CERS6: variants seen among roughly 807,000 people sequenced by gnomAD.
The protein encoded by CERS6 is ceramide synthase 6, also known as LAG1 homolog, ceramide synthase 6.
CERS6 carries 26 observed loss-of-function variants against 56.8 expected under a neutral mutation model. That is an observed-to-expected ratio of 0.46 (90% CI 0.34 to 0.63). The LOEUF (loss-of-function observed/expected upper bound fraction) is 0.63. Among genes scored for constraint, CERS6 ranks in the 30% least tolerant of loss-of-function variants. The pLI, the probability that CERS6 is intolerant of heterozygous loss-of-function variation, is 0.01. For missense variants in CERS6, 415 were observed against 467.5 expected (o/e 0.89, Z 1.04); for synonymous variants, 164 against 173.3 (o/e 0.95, Z 0.42).
intron 4 of CERS6, among the ~76,000 whole-genome samples, chr2:168,635,859 G>T (rs928842933): frequency 6.6e-6 from 1 of 152,146 alleles, no homozygotes; most frequent in East Asian, 1.9e-4. Context: ...ACAAAGCCAC[G>T]AAGTGTTCCC....
chr2:168,704,738 C>T (rs898938324), intron 6 of CERS6, among the ~76,000 whole-genome samples: 1 of 152,198 alleles, frequency 6.6e-6, no homozygotes, highest in African/African-American at 2.4e-5. Flanking sequence ...TCCCAAGTAG[C>T]TGGGACTACA....
chr2:168,556,216 A>G (rs1370507676), intron 2 of CERS6, among the ~76,000 whole-genome samples: 1 of 152,122 alleles, frequency 6.6e-6, no homozygotes, highest in Non-Finnish European at 1.5e-5. Flanking sequence ...AATAAAAAAC[A>G]AAAGCAAGAC....
chr2:168,728,685 C>G (rs1164821462), intron 8 of CERS6, among the ~76,000 whole-genome samples: 1 of 151,718 alleles, frequency 6.6e-6, no homozygotes. Flanking sequence ...AGGCTTTTTC[C>G]TTTTGTGACT....
intron 3 of CERS6, among the ~76,000 whole-genome samples, chr2:168,596,817 C>T (rs1683811543): frequency 6.6e-6 from 1 of 152,094 alleles, no homozygotes; most frequent in East Asian, 1.9e-4. Context: ...CAGGTGTGAA[C>T]CACCATGCCC....
At chr2:168,533,688 G>A (rs13396855) in intron 1 of CERS6, among the ~76,000 whole-genome samples, 24,533 of 152,050 alleles carry the variant, frequency 0.16, 2,552 homozygotes, top group Non-Finnish European at 0.23. Flanking sequence ...ACAATTATGT[G>A]TCTCAGGGTT....
At chr2:168,575,353 C>G (rs923525379) in intron 3 of CERS6, among the ~76,000 whole-genome samples, 1 of 152,014 alleles carries the variant, frequency 6.6e-6, no homozygotes, top group African/African-American at 2.4e-5. Flanking sequence ...AGGAAACTTA[C>G]AATCATGGCA....
At chr2:168,459,320 A>G (rs1693735678) in intron 1 of CERS6, among the ~76,000 whole-genome samples, 1 of 152,274 alleles carries the variant, frequency 6.6e-6, no homozygotes, top group African/African-American at 2.4e-5. Context: ...AGAAACATCA[A>G]AGAATTGACT....
intron 2 of CERS6, among the ~76,000 whole-genome samples, chr2:168,560,527 A>C (rs959997995): frequency 1.3e-5 from 2 of 152,208 alleles, no homozygotes; most frequent in Non-Finnish European, 2.9e-5. Context: ...CACCAAGTGT[A>C]CTTTTTTCAA....
At chr2:168,464,174 TTGTGTGTGTGTGTGTGTG>T (rs35372610) in intron 1 of CERS6, among the ~76,000 whole-genome samples, 2 of 139,696 alleles carry the variant, frequency 1.4e-5, no homozygotes, top group Admixed American at 7.2e-5. Context: ...TTTATACTTT[TTGTGTGTGTGTGTGTGTG>T]TGTGTGTGTG....
chr2:168,567,274 T>G (rs908736998), intron 3 of CERS6, among the ~76,000 whole-genome samples: 1 of 152,232 alleles, frequency 6.6e-6, no homozygotes, highest in African/African-American at 2.4e-5. Context: ...AATGTCTTGG[T>G]GTGCAAGACT....
At chr2:168,515,275 A>G (rs1694865180) in intron 1 of CERS6, among the ~76,000 whole-genome samples, 1 of 152,240 alleles carries the variant, frequency 6.6e-6, no homozygotes, top group African/African-American at 2.4e-5. Context: ...ACATGTTAAC[A>G]CACAAAAACA....
At chr2:168,461,314 A>C (rs570392819) in intron 1 of CERS6, among the ~76,000 whole-genome samples, 1 of 152,098 alleles carries the variant, frequency 6.6e-6, no homozygotes, top group South Asian at 2.1e-4. Flanking sequence ...TTTGCCAGAG[A>C]CTAGTGTGTG....
chr2:168,499,645 C>T (rs1274462165), intron 1 of CERS6, among the ~76,000 whole-genome samples: 3 of 152,310 alleles, frequency 2.0e-5, no homozygotes, highest in African/African-American at 7.2e-5. Context: ...ACTGCACAGA[C>T]TCCTTGTTTG....
Position 168,456,702 on chromosome 2 carries a change from C to G in CERS6, c.170+84C>G. On this transcript the variant is annotated intron_variant, in intron 1 of 9. Coordinates refer to ENST00000305747, the MANE Select transcript of CERS6 (RefSeq NM_203463.3). The surrounding 1 kb of genome is among the most constrained non-coding windows in gnomAD (Gnocchi z 4.1). ...CTCGCGCGCTCTCTGGCGCACGCCC[C>G]CGCGCCCCCAACGCTCGCGTTCACG... 3 of 1,364,678 alleles carry G rather than the reference C, an allele frequency of 2.2e-6. No individual in the cohort carries two copies. The South Asian group carries it at 3.9e-5, about 18-fold the overall frequency. The allele number at this position is 1,364,678 out of a possible 1,614,324, so 84.5% of individuals were successfully genotyped here. A position where few individuals can be genotyped will look rare whatever the true frequency, so the allele number is the denominator to read the frequency against.
At chr2:168,758,590 A>G (rs1213927127) in intron 8 of CERS6, among the ~76,000 whole-genome samples, 1 of 152,230 alleles carries the variant, frequency 6.6e-6, no homozygotes, top group Non-Finnish European at 1.5e-5. Context: ...TTCATACGGT[A>G]AGATCACCTG....
intron 4 of CERS6, among the ~76,000 whole-genome samples, chr2:168,671,541 G>A (rs369786707): frequency 6.6e-6 from 1 of 151,968 alleles, no homozygotes; most frequent in African/African-American, 2.4e-5. Context: ...GTTTTTCCAG[G>A]CACAAAATTA....
At chr2:168,533,458 A>G (rs1175751650) in intron 1 of CERS6, among the ~76,000 whole-genome samples, 2 of 152,154 alleles carry the variant, frequency 1.3e-5, no homozygotes, top group Non-Finnish European at 2.9e-5. Flanking sequence ...CCTAATTGCC[A>G]TGGCCAGAAC....
chr2:168,739,245 T>A lies in CERS6; in HGVS notation c.845+21267T>A, dbSNP rs201376472. Among the ~76,000 whole-genome samples the A allele has an allele frequency of 7.9e-5, 12 of 151,878 alleles. No homozygotes were observed. The East Asian group carries it at 2.1e-3, about 27-fold the overall frequency. The stretch of plus-strand genomic sequence containing the variant: ...TTTTGATGAATTCTGAGCCAGGCAG[T>A]GATGATGGTCTAACTGAGAAAATGA... On this transcript the variant is annotated intron_variant, in intron 8 of 9. Transcript: ENST00000305747.
intron 1 of CERS6, among the ~76,000 whole-genome samples, chr2:168,491,560 A>G (rs936683684): frequency 4.6e-5 from 7 of 152,196 alleles, no homozygotes; most frequent in Non-Finnish European, 7.3e-5. Flanking sequence ...AGACACAGTA[A>G]GAAAGTAGAA....
Sources: allele counts gnomAD v4.1 joint callset (sites outside exome capture counted in the v4.1 genomes callset), GRCh38; gene constraint gnomAD v4.1.1; non-coding constraint Gnocchi (gnomAD v3.1); transcripts MANE v1.5; gene names NCBI Gene and HGNC (gene_info 2026-07-23, HGNC 2026-07-21).